The following BSPH1 variants were observed in gnomAD, a reference collection of about 807,000 sequenced individuals.
The protein encoded by BSPH1 is binder of sperm 1.
A neutral mutation model predicts 22.5 loss-of-function variants in BSPH1; 21 were observed. The observed-to-expected ratio is 0.93, with a 90% CI of 0.66 to 1.35. BSPH1 has a LOEUF of 1.35. Ranked by LOEUF, BSPH1 falls within the 40% of genes most tolerant of loss-of-function variation. The pLI, the probability that BSPH1 is intolerant of heterozygous loss-of-function variation, is 0.00. For synonymous variants in BSPH1, 42 were observed against 53.6 expected, an observed-to-expected ratio of 0.78 and a Z score of 0.95; for missense variants, 141 against 154.2, an observed-to-expected ratio of 0.91 and a Z score of 0.45.
intron 5 of BSPH1, among the ~76,000 whole-genome samples, chr19:47,971,051 T>C (rs1005621165): frequency 1.3e-5 from 2 of 152,178 alleles, no homozygotes; most frequent in Admixed American, 1.3e-4. Flanking sequence ...GTGGCACCAA[T>C]GGATTCAGCA....
chr19:47,971,646 G>A (rs1221920754), intron 5 of BSPH1, among the ~76,000 whole-genome samples: 1 of 152,144 alleles, frequency 6.6e-6, no homozygotes, highest in Non-Finnish European at 1.5e-5. Context: ...ACCTGTTCCT[G>A]CATTAGGAAC....
In BSPH1 at chr19:47,977,504, T is replaced by C. The variant is rs949448775; in HGVS notation, c.125A>G (p.Asp42Gly). Residue 42 changes from aspartate to glycine, a missense_variant and splice_region_variant, in exon 4 of 6, where the codon GAT (aspartate) becomes GGT (glycine). Physicochemically the swap from Asp to Gly is moderately conservative, Grantham distance 94 (BLOSUM62 -1). Coordinates refer to ENST00000344839, the MANE Select transcript of BSPH1 (RefSeq NM_001128326.2). ...ETITHFPEVT[D>G]GECVFPFHYK... ...GTGGAATGGAAAGACACACTCCCCATCTAGAGAAAACAAAATTCTTCCTCT... is the reference window on the plus strand; with the variant it reads ...GTGGAATGGAAAGACACACTCCCCACCTAGAGAAAACAAAATTCTTCCTCT... The C allele has an allele frequency of 3.2e-6, 5 of 1,551,270 alleles. No individual in the cohort carries two copies. The highest frequency in any genetic ancestry group is 4.4e-6 in the Non-Finnish European group (5 of 1,146,882).
At chr19:47,974,417 C>T (rs770151098) in intron 5 of BSPH1, among the ~76,000 whole-genome samples, 9 of 151,816 alleles carry the variant, frequency 5.9e-5, no homozygotes, top group Middle Eastern at 3.4e-3. Context: ...TTATAGGTGC[C>T]GGCCACCACG....
chr19:47,971,425 C>T (rs1969310494), intron 5 of BSPH1, among the ~76,000 whole-genome samples: 1 of 152,140 alleles, frequency 6.6e-6, no homozygotes, highest in Non-Finnish European at 1.5e-5. Context: ...AGGCTGGTCT[C>T]GAATTTCTGA....
intron 5 of BSPH1, among the ~76,000 whole-genome samples, chr19:47,971,925 A>G (rs57140798): frequency 0.1 from 15,172 of 152,264 alleles, 936 homozygotes; most frequent in East Asian, 0.28. Context: ...TGGAAATATA[A>G]TTTGAATAAA....
At chr19:47,984,317 C>T (rs1322859480) in intron 1 of BSPH1, among the ~76,000 whole-genome samples, 1 of 150,946 alleles carries the variant, frequency 6.6e-6, no homozygotes. Flanking sequence ...TTATACAAAA[C>T]TGGCTTTCTT....
intron 1 of BSPH1, among the ~76,000 whole-genome samples, chr19:47,990,563 T>C (rs1969513831): frequency 6.6e-6 from 1 of 152,106 alleles, no homozygotes; most frequent in Non-Finnish European, 1.5e-5. Flanking sequence ...GTGGTCATAG[T>C]TACATTGGGA....
chr19:47,975,132 C>A (rs1969349730), intron 5 of BSPH1, among the ~76,000 whole-genome samples: 1 of 152,134 alleles, frequency 6.6e-6, no homozygotes, highest in African/African-American at 2.4e-5. Context: ...ATCATCCCAT[C>A]TCTTCCTTTT....
At chr19:47,967,408 A>T (rs1160637789), downstream of BSPH1, among the ~76,000 whole-genome samples, 1 of 152,180 alleles carries the variant, frequency 6.6e-6, no homozygotes, top group Non-Finnish European at 1.5e-5. Flanking sequence ...TGGGGCTGCC[A>T]TAAAAAAGTA....
chr19:47,970,791 G>A (rs1422816661), intron 5 of BSPH1, among the ~76,000 whole-genome samples: 1 of 152,092 alleles, frequency 6.6e-6, no homozygotes, highest in African/African-American at 2.4e-5. Flanking sequence ...GGATACAAGC[G>A]GTCATTTTAA....
At position 47,976,792 on chromosome 19, in the gene BSPH1, C is replaced by T; in HGVS notation, c.319G>A (p.Asp107Asn). Reference sequence around the variant, plus strand: ...CATTTTTTCCCAAATGCTTCCCCATCATCAGTACACTCCCAGTAGATCAAG... The same window carrying T: ...CATTTTTTCCCAAATGCTTCCCCATTATCAGTACACTCCCAGTAGATCAAG... The part of the protein sequence containing the change: ...RRLIYWECTD[D>N]GEAFGKKWCS... The change falls in exon 5 of 6, where the codon GAT becomes AAT. Residue 107 changes from aspartate to asparagine, a missense_variant. Transcript: ENST00000344839. 1.3e-6 allele frequency: 2 copies of T among 1,551,650 alleles called. No individual in the cohort carries two copies. Among genetic ancestry groups the T allele is most frequent in the Non-Finnish European group, 1.7e-6 (2 of 1,146,910 alleles).
rs935933626 is a variant in BSPH1, at chr19:47,989,677, T to C, written c.73+2332A>G. ...AGCAAGACTTTGAGCCCTAGATGTC[T>C]ATGAGTTCCCACCTTCCGCTTATTT... On this transcript the variant is annotated intron_variant, in intron 1 of 5. Transcript: ENST00000344839. Among the ~76,000 whole-genome samples, 41 of 152,222 alleles carry C rather than the reference T, an allele frequency of 2.7e-4. No individual in the cohort carries two copies. In the South Asian group the frequency reaches 4.1e-3, roughly 15 times the overall value.
intron 5 of BSPH1, among the ~76,000 whole-genome samples, chr19:47,972,487 T>G (rs1568395126): frequency 1.3e-5 from 2 of 152,122 alleles, no homozygotes; most frequent in South Asian, 4.1e-4. Context: ...CCTTTTCTTT[T>G]CTCCATGTGT....
chr19:47,972,675 A>C (rs4378713), intron 5 of BSPH1, among the ~76,000 whole-genome samples: 147,441 of 152,230 alleles, frequency 0.97, 71,451 homozygotes, highest in Middle Eastern at 0.99. Flanking sequence ...AATTCTTCAC[A>C]ATGGTTACCT....
chr19:47,972,337 C>A (rs973749654), intron 5 of BSPH1, among the ~76,000 whole-genome samples: 1 of 145,972 alleles, frequency 6.9e-6, no homozygotes, highest in African/African-American at 2.5e-5. Flanking sequence ...GTTTATTATA[C>A]AGGTAAATTG....
At chr19:47,982,368 A>C (rs1969427263) in intron 1 of BSPH1, among the ~76,000 whole-genome samples, 1 of 152,240 alleles carries the variant, frequency 6.6e-6, no homozygotes, top group Non-Finnish European at 1.5e-5. Context: ...TTTGTTGTGT[A>C]TATTTCATTT....
At chr19:47,976,662 A>G in intron 5 of BSPH1, 48 bp downstream of exon 5, 1 of 1,498,166 alleles carries the variant, frequency 6.7e-7, no homozygotes, top group Non-Finnish European at 9.1e-7. Flanking sequence ...GGTTCTTTCC[A>G]AGGAGAATGA....
At chr19:47,986,035 G>A (rs1413981273) in intron 1 of BSPH1, among the ~76,000 whole-genome samples, 1 of 152,056 alleles carries the variant, frequency 6.6e-6, no homozygotes, top group Non-Finnish European at 1.5e-5. Flanking sequence ...ATTCTTCCAA[G>A]CTACGGAGCC....
chr19:47,970,936 A>G (rs1969306015), intron 5 of BSPH1, among the ~76,000 whole-genome samples: 1 of 152,162 alleles, frequency 6.6e-6, no homozygotes, highest in Non-Finnish European at 1.5e-5. Context: ...ATCCTAGCTG[A>G]CCCATGAATG....
Sources: gnomAD v4.1 joint callset for allele counts (sites outside exome capture counted in the v4.1 genomes callset) on GRCh38, gnomAD v4.1.1 for gene constraint, MANE v1.5 for transcripts, NCBI Gene and HGNC (gene_info 2026-07-23, HGNC 2026-07-21) for gene names.